TNR: variants seen among roughly 807,000 people sequenced by gnomAD.
TNR encodes the protein tenascin R.
A neutral mutation model predicts 150.4 loss-of-function variants in TNR; 45 were observed. The observed-to-expected ratio is 0.30, with a 90% CI of 0.24 to 0.38. TNR has a LOEUF of 0.38. Ranked by LOEUF, TNR falls within the 10% of genes least tolerant of loss-of-function variation. TNR has a pLI of 1.00. For synonymous variants in TNR, 687 were observed against 678.4 expected (o/e 1.01, Z -0.20); for missense variants, 1,544 against 1,759.1 (o/e 0.88, Z 2.19).
At chr1:175,327,599 C>T (rs1041199659) in intron 21 of TNR, among the ~76,000 whole-genome samples, 5 of 152,176 alleles carry the variant, frequency 3.3e-5, no homozygotes, top group African/African-American at 1.2e-4. Context: ...CTGGATCTGG[C>T]TCTACCTGCC....
At chr1:175,637,938 T>A (rs1406948922) in intron 1 of TNR, among the ~76,000 whole-genome samples, 1 of 152,216 alleles carries the variant, frequency 6.6e-6, no homozygotes, top group Non-Finnish European at 1.5e-5. Context: ...CATCAATCCC[T>A]GGAGAAGACA....
At chr1:175,580,800 C>T (rs1246697516) in intron 1 of TNR, among the ~76,000 whole-genome samples, 4 of 152,186 alleles carry the variant, frequency 2.6e-5, no homozygotes, top group Non-Finnish European at 5.9e-5. Context: ...CCCTGGCATC[C>T]CACCATTTTA....
chr1:175,377,895 C>A (rs1571358432), intron 9 of TNR, among the ~76,000 whole-genome samples: 1 of 152,170 alleles, frequency 6.6e-6, no homozygotes, highest in East Asian at 1.9e-4. Flanking sequence ...GAAAACCACA[C>A]CCCCATTTCC....
chr1:175,616,877 C>G (rs1255817259), intron 1 of TNR, among the ~76,000 whole-genome samples: 1 of 152,188 alleles, frequency 6.6e-6, no homozygotes, highest in Non-Finnish European at 1.5e-5. Flanking sequence ...GGCACTAAGT[C>G]TCAGTTTCTT....
At chr1:175,722,452 C>G (rs576993788) in intron 1 of TNR, among the ~76,000 whole-genome samples, 1 of 152,102 alleles carries the variant, frequency 6.6e-6, no homozygotes, top group Non-Finnish European at 1.5e-5. Flanking sequence ...TTCTACCATG[C>G]TCTATTTTTC....
chr1:175,536,319 G>A (rs1236728457), intron 1 of TNR, among the ~76,000 whole-genome samples: 1 of 152,118 alleles, frequency 6.6e-6, no homozygotes, highest in African/African-American at 2.4e-5. Context: ...CCATTAAAAA[G>A]GGTCAGAACC....
intron 1 of TNR, among the ~76,000 whole-genome samples, chr1:175,547,571 A>AAGAG (rs1427635106): frequency 8.3e-5 from 3 of 36,282 alleles, no homozygotes; most frequent in African/African-American, 2.6e-4. Context: ...GAAGGAAAGA[A>AAGAG]AGAAAGAAAG....
chr1:175,717,534 G>T (rs16849029), intron 1 of TNR, among the ~76,000 whole-genome samples: 7,657 of 152,236 alleles, frequency 0.05, 303 homozygotes, highest in East Asian at 0.23. Context: ...CAAATTAAGT[G>T]CTTAATAAGT....
intron 1 of TNR, among the ~76,000 whole-genome samples, chr1:175,721,724 C>T (rs1667307023): frequency 6.6e-6 from 1 of 152,062 alleles, no homozygotes; most frequent in South Asian, 2.1e-4. Context: ...TCCCTAGCTC[C>T]CCAACCCTGT....
intron 8 of TNR, among the ~76,000 whole-genome samples, chr1:175,383,928 C>A (rs1652802533): frequency 1.3e-5 from 2 of 152,198 alleles, no homozygotes; most frequent in African/African-American, 4.8e-5. Flanking sequence ...TGACAGCTGC[C>A]AATCCACCAG....
At chr1:175,424,122 T>C (rs1026031733) in intron 2 of TNR, among the ~76,000 whole-genome samples, 4 of 152,248 alleles carry the variant, frequency 2.6e-5, no homozygotes, top group South Asian at 2.1e-4. Flanking sequence ...TTTTAATCTG[T>C]GTTAATTTCC....
chr1:175,461,322 C>T (rs73044431), intron 2 of TNR, among the ~76,000 whole-genome samples: 167 of 152,284 alleles, frequency 1.1e-3, no homozygotes, highest in African/African-American at 3.8e-3. Context: ...ATGCAATTTA[C>T]CTCACAGGAG....
At chr1:175,468,086 A>G (rs764807551) in intron 2 of TNR, among the ~76,000 whole-genome samples, 16 of 152,220 alleles carry the variant, frequency 1.1e-4, no homozygotes, top group Non-Finnish European at 1.9e-4. Context: ...GCAGAGTAGC[A>G]GAAGCAACTG....
chr1:175,612,958 C>G (rs1663644156), intron 1 of TNR, among the ~76,000 whole-genome samples: 2 of 152,154 alleles, frequency 1.3e-5, no homozygotes, highest in Non-Finnish European at 2.9e-5. Context: ...AGTTAAGAGG[C>G]AATGAAGGTC....
intron 2 of TNR, among the ~76,000 whole-genome samples, chr1:175,482,981 A>T (rs912306566): frequency 6.6e-6 from 1 of 152,154 alleles, no homozygotes; most frequent in Non-Finnish European, 1.5e-5. Flanking sequence ...TCTTGTATGA[A>T]ATGGGAAGAG....
intron 1 of TNR, among the ~76,000 whole-genome samples, chr1:175,587,049 C>T (rs1487099816): frequency 6.6e-6 from 1 of 152,154 alleles, no homozygotes; most frequent in Non-Finnish European, 1.5e-5. Flanking sequence ...TATTTTACAA[C>T]CAAATACTAA....
At chr1:175,639,673 A>G (rs1056760139) in intron 1 of TNR, among the ~76,000 whole-genome samples, 3 of 152,110 alleles carry the variant, frequency 2.0e-5, no homozygotes, top group African/African-American at 7.2e-5. Flanking sequence ...ATCATAATCT[A>G]CAAGACCTTT....
At position 175,644,086 on chromosome 1, in the gene TNR, T is replaced by A. The variant is rs567284378; in HGVS notation, c.-165+99140A>T. On this transcript the variant is annotated intron_variant, in intron 1 of 22. Transcript: ENST00000367674. ...AAAGTCAAAGTACAGAAATGTGTAT[T>A]GCCTAATATGTTAATAGTATGCATG... Among the ~76,000 whole-genome samples, 31 of 152,374 alleles carry A rather than the reference T, an allele frequency of 2.0e-4. No homozygotes were observed. The South Asian group carries it at 6.2e-3, about 31-fold the overall frequency.
At chr1:175,378,803 G>C (rs1392491652) in intron 9 of TNR, among the ~76,000 whole-genome samples, 5 of 152,196 alleles carry the variant, frequency 3.3e-5, no homozygotes, top group Non-Finnish European at 7.3e-5. Flanking sequence ...CCACACTAAG[G>C]GTCTGGGCTT....
Sources: gnomAD v4.1 joint callset for allele counts (sites outside exome capture counted in the v4.1 genomes callset) on GRCh38, gnomAD v4.1.1 for gene constraint, MANE v1.5 for transcripts, NCBI Gene and HGNC (gene_info 2026-07-23, HGNC 2026-07-21) for gene names.